STARD9: variants seen among roughly 807,000 people sequenced by gnomAD.
The protein encoded by STARD9 is StAR related lipid transfer domain containing 9, also known as stAR-related lipid transfer protein 9.
STARD9 carries 346 observed loss-of-function variants against 399.8 expected under a neutral mutation model. The ratio of observed to expected loss-of-function variants is 0.87; its 90% CI spans 0.79 to 0.95. The LOEUF (loss-of-function observed/expected upper bound fraction) is 0.95. STARD9 is among the 40% of genes least tolerant of loss of function. The pLI is 0.00. For synonymous variants in STARD9, 2,203 were observed against 2,143.5 expected, an observed-to-expected ratio of 1.03 and a Z score of -0.77; for missense variants, 5,832 against 5,667.5, an observed-to-expected ratio of 1.03 and a Z score of -0.93.
intron 7 of STARD9, among the ~76,000 whole-genome samples, chr15:42,644,790 G>T (rs1384483554): frequency 6.6e-6 from 1 of 152,182 alleles, no homozygotes; most frequent in Non-Finnish European, 1.5e-5. Flanking sequence ...TTATTTCAGA[G>T]CTGGAGTCAG....
intron 3 of STARD9, among the ~76,000 whole-genome samples, chr15:42,590,801 ACAGT>A (rs1046103945): frequency 1.3e-5 from 2 of 152,116 alleles, no homozygotes; most frequent in Non-Finnish European, 2.9e-5. Flanking sequence ...ACTCTCTTAA[ACAGT>A]CAGCTCCAGT....
intron 26 of STARD9, among the ~76,000 whole-genome samples, chr15:42,713,016 T>C (rs77349186): frequency 1.7e-3 from 258 of 152,336 alleles, no homozygotes; most frequent in African/African-American, 5.7e-3. Flanking sequence ...TGGGATTACT[T>C]TGATGGGTAG....
chr15:42,716,169 G>A (rs188838751), intron 26 of STARD9, among the ~76,000 whole-genome samples: 3 of 152,292 alleles, frequency 2.0e-5, no homozygotes, highest in Admixed American at 1.3e-4. Flanking sequence ...CAGATCCAGA[G>A]GGTAACCCCA....
At chr15:42,590,173 G>A (rs185774924) in intron 3 of STARD9, among the ~76,000 whole-genome samples, 42 of 150,628 alleles carry the variant, frequency 2.8e-4, no homozygotes, top group Admixed American at 2.7e-3. Flanking sequence ...GTGTTGCTCA[G>A]GCTGGTCTCA....
At chr15:42,587,069 T>C (rs567224868) in intron 3 of STARD9, among the ~76,000 whole-genome samples, 70 of 152,280 alleles carry the variant, frequency 4.6e-4, no homozygotes, top group African/African-American at 1.5e-3. Context: ...TTGCCCAGGC[T>C]GGTCTTGAAC....
intron 20 of STARD9, among the ~76,000 whole-genome samples, chr15:42,680,022 A>G (rs1399214044): frequency 6.6e-6 from 1 of 152,196 alleles, no homozygotes; most frequent in Non-Finnish European, 1.5e-5. Flanking sequence ...GGAAGGCTAG[A>G]TAAAGCAGGC....
intron 20 of STARD9, 81 bp downstream of exon 20, chr15:42,676,056 T>TGGGGGGGGGGGGA: frequency 7.4e-6 from 1 of 134,680 alleles, no homozygotes; most frequent in Non-Finnish European, 1.5e-5. Context: ...AGGGTGGGGG[T>TGGGGGGGGGGGGA]GGGGGGTGAT....
In STARD9 at chr15:42,694,332, C is replaced by T. The variant is rs1191263904; in HGVS notation, c.12754C>T (p.Leu4252Phe). 6.6e-7 allele frequency: 1 copy of T among 1,526,366 alleles called. No individual in the cohort carries two copies. Among genetic ancestry groups the T allele is most frequent in the East Asian group, 2.5e-5 (1 of 40,766 alleles). The allele number at this position is 1,526,366 out of a possible 1,614,324, so 94.6% of individuals were successfully genotyped here. A position where few individuals can be genotyped will look rare whatever the true frequency, so the allele number is the denominator to read the frequency against. The change falls in exon 23 of 33, where the codon CTC becomes TTC. Residue 4252 changes from leucine (L) to phenylalanine (F), a missense_variant. Leu to Phe is a conservative substitution (Grantham distance 22, BLOSUM62 0). Coordinates refer to ENST00000290607, the MANE Select transcript of STARD9 (RefSeq NM_020759.3). ...DEPVTSTWKE[L>F]YARQKKAIET... ...ACCTGTGACATCCACCTGGAAGGAG[C>T]TCTATGCACGGTAAGGACCCCCAGC...
In STARD9 at chr15:42,694,572, G is replaced by A. The variant is rs773275413; in HGVS notation, c.12809G>A (p.Arg4270Gln). 9.8e-6 allele frequency: 15 copies of A among 1,537,072 alleles called. No individual in the cohort carries two copies. The highest frequency in any genetic ancestry group is 5.5e-5 in the African/African-American group (4 of 73,030). ...ACCCTCAGGAGAGAGCGGGCTGAGC[G>A]ACTTGGGAACTTCTGCCGGACGCGA... is the stretch of plus-strand genomic sequence containing the variant. ...IETLRRERAE[R>Q]LGNFCRTRSL... is the part of the protein sequence containing the mutation. Residue 4270 changes from arginine (R) to glutamine (Q), a missense_variant, in exon 24 of 33, where the codon CGA becomes CAA. Arg to Gln is a conservative substitution (Grantham distance 43, BLOSUM62 1). Transcript: ENST00000290607.
intron 32 of STARD9, 58 bp downstream of exon 32, chr15:42,718,968 C>CTG: frequency 6.7e-7 from 1 of 1,488,694 alleles, no homozygotes; most frequent in Non-Finnish European, 9.0e-7. Flanking sequence ...CCACAGCCCC[C>CTG]TGGGATTTTT....
intron 3 of STARD9, among the ~76,000 whole-genome samples, chr15:42,595,866 C>T (rs940207363): frequency 6.6e-6 from 1 of 152,190 alleles, no homozygotes; most frequent in African/African-American, 2.4e-5. Context: ...GTCCCTCTGC[C>T]AGCAGCACAG....
chr15:42,684,033 A>C, intron 22 of STARD9, 83 bp from the exon 23 acceptor site: 1 of 1,411,134 alleles, frequency 7.1e-7, no homozygotes, highest in Non-Finnish European at 9.4e-7. Context: ...AGACAGTGAC[A>C]CTGGCCTTGT....
intron 3 of STARD9, among the ~76,000 whole-genome samples, chr15:42,601,235 G>C (rs1373584500): frequency 6.6e-6 from 1 of 152,124 alleles, no homozygotes; most frequent in Non-Finnish European, 1.5e-5. Flanking sequence ...TCTTAGTACA[G>C]AACAAAATGG....
At chr15:42,576,964 GCTT>G (rs1227652309) in intron 1 of STARD9, among the ~76,000 whole-genome samples, 2 of 152,144 alleles carry the variant, frequency 1.3e-5, no homozygotes, top group Admixed American at 1.3e-4. Context: ...GTGACACCTG[GCTT>G]CTTCATAACT....
intron 26 of STARD9, among the ~76,000 whole-genome samples, chr15:42,714,190 G>A (rs1160904311): frequency 6.6e-6 from 1 of 151,426 alleles, no homozygotes; most frequent in Non-Finnish European, 1.5e-5. Context: ...AGCCTCCCGA[G>A]TAGCTGGGAC....
chr15:42,707,468 CTT>C (rs544507849), intron 26 of STARD9, among the ~76,000 whole-genome samples: 21,159 of 134,382 alleles, frequency 0.16, 1,507 homozygotes, highest in South Asian at 0.25. Context: ...GAGTGAAAAA[CTT>C]TTTTTTTTTT....
At chr15:42,653,784 G>T (rs529269098) in intron 9 of STARD9, among the ~76,000 whole-genome samples, 3 of 152,228 alleles carry the variant, frequency 2.0e-5, no homozygotes, top group African/African-American at 7.2e-5. Flanking sequence ...TGAAATATCT[G>T]GGAATGATAA....
At position 42,692,211 on chromosome 15, in the gene STARD9, A is replaced by G. The variant is rs189922883; in HGVS notation, c.10633A>G (p.Thr3545Ala). 92 of 1,537,128 alleles carry G rather than the reference A, an allele frequency of 6.0e-5. No homozygotes were observed. The African/African-American group carries it at 1.0e-3, about 17-fold the overall frequency. Residue 3545 changes from threonine to alanine, a missense_variant, in exon 23 of 33, where the codon ACT becomes GCT. This residue lies in a region of STARD9 where 5,828 missense variants were observed against 5,651.1 expected (regional missense o/e 1.03). Coordinates refer to ENST00000290607, the MANE Select transcript of STARD9 (RefSeq NM_020759.3). ...ICDLSTTHSS[T>A]ENAQGSNEAW... is the part of the protein sequence containing the mutation. ...TGATCTGTCAACCACACACAGCAGC[A>G]CTGAGAATGCCCAGGGTTCAAATGA...
Position 42,669,166 on chromosome 15 carries a change from G to T in STARD9, c.1326G>T (p.Gln442His). ...LVLQNELKID[Q>H]LTKDWTQKWN... ...CTCCTATACCTCTGCAGATAGACCAGCTGACTAAAGACTGGACCCAGAAGT... is the reference window on the plus strand; with the variant it reads ...CTCCTATACCTCTGCAGATAGACCATCTGACTAAAGACTGGACCCAGAAGT... The change falls in exon 16 of 33, where the codon CAG becomes CAT. Residue 442 changes from glutamine to histidine, a missense_variant. Coordinates refer to ENST00000290607, the MANE Select transcript of STARD9 (RefSeq NM_020759.3). 2 of 1,533,236 alleles carry T rather than the reference G, an allele frequency of 1.3e-6. No homozygotes were observed. Among genetic ancestry groups the T allele is most frequent in the South Asian group, 1.2e-5 (1 of 83,904 alleles). The allele number at this position is 1,533,236 out of a possible 1,614,324, so 95.0% of individuals were successfully genotyped here.
Sources: gnomAD v4.1 joint callset for allele counts (sites outside exome capture counted in the v4.1 genomes callset) on GRCh38, gnomAD v4.1.1 for gene constraint, gnomAD v4.1.1 regional missense constraint, MANE v1.5 for transcripts, NCBI Gene and HGNC (gene_info 2026-07-23, HGNC 2026-07-21) for gene names.